KIF16B: variants seen among roughly 807,000 people sequenced by gnomAD.
KIF16B encodes kinesin-like protein KIF16B.
Under a neutral mutation model 156.3 loss-of-function variants are expected in KIF16B, and 98 were observed. The observed-to-expected ratio is 0.63, with a 90% CI of 0.53 to 0.74. The LOEUF (loss-of-function observed/expected upper bound fraction) is 0.74. Among genes scored for constraint, KIF16B ranks in the 30% least tolerant of loss-of-function variants. The pLI is 0.00. For missense variants in KIF16B, 1,421 were observed against 1,606.5 expected, an observed-to-expected ratio of 0.88 and a Z score of 1.97; for synonymous variants, 564 against 583.7, an observed-to-expected ratio of 0.97 and a Z score of 0.49.
intron 25 of KIF16B, among the ~76,000 whole-genome samples, chr20:16,285,532 C>T (rs1332301067): frequency 2.6e-5 from 4 of 152,142 alleles, no homozygotes; most frequent in African/African-American, 7.2e-5. Flanking sequence ...AATATAGACA[C>T]CCAGCCAGGT....
At position 16,505,775 on chromosome 20, in the gene KIF16B, G is replaced by C. The variant is rs756433390; in HGVS notation, c.947C>G (p.Thr316Ser). Reference sequence around the variant, plus strand: ...TCCAAGGCTATCTTTTAACAACCAAGTCAACACAGAATCCCTGTAAGGCAC... The same window carrying C: ...TCCAAGGCTATCTTTTAACAACCAACTCAACACAGAATCCCTGTAAGGCAC... The part of the protein sequence containing the change: ...VFVPYRDSVL[T>S]WLLKDSLGGN... The change falls in exon 9 of 26, where the codon ACT becomes AGT. Residue 316 changes from threonine (T) to serine (S), a missense_variant. Thr to Ser is a moderately conservative substitution (Grantham distance 58). Transcript: ENST00000354981. The C allele has an allele frequency of 1.9e-6, 3 of 1,613,700 alleles. No homozygotes were observed. The East Asian group carries it at 6.7e-5, about 36-fold the overall frequency.
chr20:16,356,973 T>C (rs1448903296), intron 22 of KIF16B, among the ~76,000 whole-genome samples: 1 of 152,180 alleles, frequency 6.6e-6, no homozygotes, highest in Admixed American at 6.5e-5. Flanking sequence ...TTAAAACAAA[T>C]CTCAAGTATT....
intron 12 of KIF16B, among the ~76,000 whole-genome samples, chr20:16,441,826 A>G (rs1370126150): frequency 6.6e-6 from 1 of 152,158 alleles, no homozygotes; most frequent in East Asian, 1.9e-4. Context: ...ACCATCTGCT[A>G]CTTGTCAGGT....
Position 16,379,361 on chromosome 20 carries a change from TC to T in KIF16B, c.2640del (p.Ser881ValfsTer15). 1 of 1,604,306 alleles carries T rather than the reference TC, an allele frequency of 6.2e-7. No individual in the cohort carries two copies. The highest frequency in any genetic ancestry group is 1.1e-5 in the South Asian group (1 of 89,518). ...KESRLLEKHD[E>X]SVTDVTEVPQ... ...GGCACTTCCGTGACATCTGTGACAC[TC>T]TCATCATGTTTTTCCAACAATCTAG... On this transcript the variant is annotated frameshift_variant, in exon 19 of 26. Transcript: ENST00000354981. LOFTEE classifies it high-confidence loss of function.
At chr20:16,516,284 G>C (rs907896780) in intron 3 of KIF16B, among the ~76,000 whole-genome samples, 1 of 152,102 alleles carries the variant, frequency 6.6e-6, no homozygotes, top group African/African-American at 2.4e-5. Context: ...GCTGTGTGGG[G>C]CTGGGGTGGG....
intron 12 of KIF16B, among the ~76,000 whole-genome samples, chr20:16,477,902 G>C (rs2146812664): frequency 6.6e-6 from 1 of 152,222 alleles, no homozygotes; most frequent in East Asian, 1.9e-4. Context: ...CAACAAGGAA[G>C]AGAGAAAGGA....
chr20:16,379,271 A>G lies in KIF16B; in HGVS notation c.2731T>C (p.Tyr911His). The G allele has an allele frequency of 6.2e-7, 1 of 1,613,972 alleles. No homozygotes were observed. The highest frequency in any genetic ancestry group is 8.5e-7 in the Non-Finnish European group (1 of 1,180,010). The change falls in exon 19 of 26, where the codon TAC (tyrosine) becomes CAC (histidine). Residue 911 changes from tyrosine to histidine, a missense_variant. Physicochemically the swap from Tyr to His is moderately conservative, Grantham distance 83. Transcript: ENST00000354981. The stretch of plus-strand genomic sequence containing the variant: ...GTTGGCAAGTGATTCTGCAGGAGGT[A>G]CTGTAGCTGGCGTTCTTTATATTGC... ...RLQYKERQLQ[Y>H]LLQNHLPTLL...
chr20:16,415,761 T>A (rs1455922628), intron 15 of KIF16B, among the ~76,000 whole-genome samples: 1 of 152,150 alleles, frequency 6.6e-6, no homozygotes, highest in Non-Finnish European at 1.5e-5. Flanking sequence ...TACATTCACT[T>A]CAGAATTCAA....
intron 22 of KIF16B, among the ~76,000 whole-genome samples, chr20:16,361,908 A>G (rs2064559022): frequency 6.6e-6 from 1 of 152,242 alleles, no homozygotes; most frequent in Non-Finnish European, 1.5e-5. Context: ...ACTTGAAACT[A>G]TTAAAAGTGT....
chr20:16,327,410 T>C (rs1049880986), intron 24 of KIF16B, among the ~76,000 whole-genome samples: 1 of 151,816 alleles, frequency 6.6e-6, no homozygotes, highest in Non-Finnish European at 1.5e-5. Context: ...AACTTATCCA[T>C]GTAACCAAAC....
chr20:16,396,114 A>G (rs1281370244), intron 17 of KIF16B, among the ~76,000 whole-genome samples: 1 of 152,152 alleles, frequency 6.6e-6, no homozygotes, highest in Non-Finnish European at 1.5e-5. Flanking sequence ...GACGTTAAAT[A>G]AGGTACGGCA....
intron 4 of KIF16B, among the ~76,000 whole-genome samples, chr20:16,514,885 C>CAAAAAAAAAAA (rs10564862): frequency 2.4e-3 from 143 of 60,754 alleles, no homozygotes; most frequent in Middle Eastern, 8.9e-3. Flanking sequence ...GATTCCATCT[C>CAAAAAAAAAAA]AAAAAAAAAA....
intron 1 of KIF16B, among the ~76,000 whole-genome samples, chr20:16,532,657 C>T (rs1406409056): frequency 1.3e-5 from 2 of 152,232 alleles, no homozygotes; most frequent in African/African-American, 4.8e-5. Context: ...CCCATTCCCA[C>T]AGTGGGTCCT....
intron 1 of KIF16B, among the ~76,000 whole-genome samples, chr20:16,568,684 G>A (rs2071347647): frequency 2.6e-5 from 4 of 151,920 alleles, no homozygotes; most frequent in Non-Finnish European, 5.9e-5. Flanking sequence ...GTGTGGTGGT[G>A]TGCACCAATA....
At chr20:16,366,055 T>G (rs961970778) in intron 22 of KIF16B, among the ~76,000 whole-genome samples, 2 of 128,968 alleles carry the variant, frequency 1.6e-5, no homozygotes, top group South Asian at 5.9e-4. Context: ...ATATGTAACC[T>G]GATAGGATTT....
intron 1 of KIF16B, among the ~76,000 whole-genome samples, chr20:16,570,033 A>C (rs1259094206): frequency 6.6e-6 from 1 of 151,990 alleles, no homozygotes; most frequent in Non-Finnish European, 1.5e-5. Flanking sequence ...ACTTTACTCC[A>C]CTGTGGATAT....
At position 16,573,360 on chromosome 20, in the gene KIF16B, T is replaced by TCCCGCCCACTTCCCTCTCGCC. The variant is rs1568708550; in HGVS notation, c.-106_-86dup. 4.2e-6 allele frequency: 6 copies of TCCCGCCCACTTCCCTCTCGCC among 1,432,076 alleles called. No homozygotes were observed. The East Asian group carries it at 1.4e-4, about 35-fold the overall frequency. 88.7% of individuals were successfully genotyped at this position (1,432,076 alleles called of 1,614,324 possible). A position where few individuals can be genotyped will look rare whatever the true frequency, so the allele number is the denominator to read the frequency against. ...CGACGCTGGCTACTCAGATCGCGGC[T>TCCCGCCCACTTCCCTCTCGCC]CCCGCCCACTTCCCTCTCGCCCCCG... On this transcript the variant is annotated 5_prime_UTR_variant, in exon 1 of 26. Transcript: ENST00000354981.
chr20:16,297,407 T>C (rs2063403613), intron 25 of KIF16B, among the ~76,000 whole-genome samples: 1 of 152,156 alleles, frequency 6.6e-6, no homozygotes, highest in South Asian at 2.1e-4. Flanking sequence ...AAGATTAATG[T>C]CCAGGCCAGG....
intron 23 of KIF16B, among the ~76,000 whole-genome samples, chr20:16,350,258 C>T (rs539376002): frequency 6.6e-6 from 1 of 152,302 alleles, no homozygotes; most frequent in East Asian, 1.9e-4. Flanking sequence ...GGGCTGATGC[C>T]CTGCAGCCAT....
Sources: allele counts gnomAD v4.1 joint callset (sites outside exome capture counted in the v4.1 genomes callset), GRCh38; gene constraint gnomAD v4.1.1; transcripts MANE v1.5; gene names NCBI Gene and HGNC (gene_info 2026-07-23, HGNC 2026-07-21).